The following EP300 variants were observed in gnomAD, a reference collection of about 807,000 sequenced individuals.
EP300 encodes the protein EP300 lysine acetyltransferase.
A neutral mutation model predicts 264.0 loss-of-function variants in EP300; 31 were observed. That is an observed-to-expected ratio of 0.12 (90% CI 0.09 to 0.16). The LOEUF (loss-of-function observed/expected upper bound fraction) is 0.16, where lower values mean the gene tolerates loss of function less well. Ranked by LOEUF, EP300 falls within the 10% of genes least tolerant of loss-of-function variation. The probability of loss-of-function intolerance (pLI) is 1.00; values close to 1 mark genes in which losing one functional copy is unlikely to be tolerated. For missense variants in EP300, 2,766 were observed against 3,052.9 expected (o/e 0.91, Z 2.21); for synonymous variants, 1,340 against 1,045.4 (o/e 1.28, Z -5.44).
chr22:41,153,350 T>C (rs2059057983), intron 16 of EP300, among the ~76,000 whole-genome samples: 1 of 152,172 alleles, frequency 6.6e-6, no homozygotes, highest in Admixed American at 6.5e-5. Flanking sequence ...ATTAATACAA[T>C]GTGTTGTAAA....
intron 6 of EP300, 131 bp downstream of exon 6, chr22:41,131,764 T>C: frequency 7.4e-7 from 1 of 1,343,532 alleles, no homozygotes; most frequent in Non-Finnish European, 1.0e-6. Flanking sequence ...AAGATTACAG[T>C]GTAAAAGGTC....
intron 1 of EP300, among the ~76,000 whole-genome samples, chr22:41,112,408 A>G (rs1156884033): frequency 6.6e-6 from 1 of 150,876 alleles, no homozygotes; most frequent in Non-Finnish European, 1.5e-5. Context: ...TATATTGGCC[A>G]GGCTGGTCTC....
At chr22:41,117,954 T>C (rs1478944409) in intron 2 of EP300, 133 bp downstream of exon 2, 2 of 1,417,172 alleles carry the variant, frequency 1.4e-6, no homozygotes, top group Non-Finnish European at 1.9e-6. Context: ...TGTCATAAGT[T>C]TTAAGAAGTG....
In EP300 at chr22:41,177,989, C is replaced by T. The variant is rs764284032; in HGVS notation, c.6278C>T (p.Ala2093Val). 6.2e-7 allele frequency: 1 copy of T among 1,614,170 alleles called. No individual in the cohort carries two copies. ...ATCAAGCAGCGGGCTGCCAAGTATG[C>T]CAACTCTAATCCACAACCCATCCCT... ...AFIKQRAAKY[A>V]NSNPQPIPGQ... The change falls in exon 31 of 31, where the codon GCC becomes GTC. Residue 2093 changes from alanine to valine, a missense_variant. Ala to Val is a moderately conservative substitution (Grantham distance 64). Coordinates refer to ENST00000263253, the MANE Select transcript of EP300 (RefSeq NM_001429.4).
chr22:41,132,510 A>G (rs1383137771), intron 6 of EP300, among the ~76,000 whole-genome samples: 2 of 151,800 alleles, frequency 1.3e-5, no homozygotes, highest in Non-Finnish European at 2.9e-5. Context: ...GATGATCTCA[A>G]TCTCTTGACC....
In EP300 at chr22:41,157,336, C is replaced by T. The variant is rs2145747664; in HGVS notation, c.3429C>T (p.Ser1143=). The change falls in exon 18 of 31, where the codon TCC becomes TCT. Residue 1143 remains serine (S), a synonymous_variant. Coordinates refer to ENST00000263253, the MANE Select transcript of EP300 (RefSeq NM_001429.4). The stretch of plus-strand genomic sequence containing the variant: ...CATCACGGGTATACAAATACTGCTC[C>T]AAGCTCTCTGAGGTCTTTGAACAAG... ...RKTSRVYKYC[S]KLSEVFEQEI... The T allele has an allele frequency of 3.1e-6, 5 of 1,614,076 alleles. No homozygotes were observed. Among genetic ancestry groups the T allele is most frequent in the Non-Finnish European group, 4.2e-6 (5 of 1,179,992 alleles).
intron 16 of EP300, 48 bp from the exon 17 acceptor site, chr22:41,154,947 C>G (rs750429858): frequency 6.3e-6 from 8 of 1,275,344 alleles, no homozygotes; most frequent in East Asian, 4.6e-5. Context: ...TTTTAAAGTT[C>G]TTCTGCTTAA....
At position 41,110,117 on chromosome 22, in the gene EP300, GCC is replaced by G. The variant is rs60023863; in HGVS notation, c.95-7060_95-7059del. 3.1e-4 allele frequency among the ~76,000 whole-genome samples: 20 copies of G among 65,548 alleles called. 1 individual carries two copies. The highest frequency in any genetic ancestry group is 0.022 in the Middle Eastern group (2 of 90). The allele number at this position is 65,548 out of a possible 152,430, so 43.0% of individuals were successfully genotyped here. A position where few individuals can be genotyped will look rare whatever the true frequency, so the allele number is the denominator to read the frequency against. On this transcript the variant is annotated intron_variant, in intron 1 of 30. Coordinates refer to ENST00000263253, the MANE Select transcript of EP300 (RefSeq NM_001429.4). Reference sequence around the variant, plus strand: ...ACCCACTGTGCCCATCCTGTTCCCTGCCCCCCCCCCCTTTTTTTTTAAGTTAT... The same window carrying G: ...ACCCACTGTGCCCATCCTGTTCCCTGCCCCCCCCCTTTTTTTTTAAGTTAT...
At position 41,178,398 on chromosome 22, in the gene EP300, TCACATGCAA is replaced by T; in HGVS notation, c.6690_6698del (p.His2230_Gln2232del). 1 of 1,613,972 alleles carries T rather than the reference TCACATGCAA, an allele frequency of 6.2e-7. No homozygotes were observed. Among genetic ancestry groups the T allele is most frequent in the Non-Finnish European group, 8.5e-7 (1 of 1,179,992 alleles). ...CACAGCAGCAGCAGCGGATGCAGCA[TCACATGCAA>T]CAGATGCAACAAGGAAATATGGGAC... On this transcript the variant is annotated inframe_deletion, in exon 31 of 31. Coordinates refer to ENST00000263253, the MANE Select transcript of EP300 (RefSeq NM_001429.4).
Position 41,178,149 on chromosome 22 carries a change from C to T in EP300, c.6438C>T (p.Pro2146=). Residue 2146 remains proline (P), a synonymous_variant, in exon 31 of 31, where the codon CCC becomes CCT. Transcript: ENST00000263253. ...CGGGCGTTCAGAGGGCTGGCCTGCCCCAGCAGCAACCACAGCAGCAACTCC... is the reference window on the plus strand; with the variant it reads ...CGGGCGTTCAGAGGGCTGGCCTGCCTCAGCAGCAACCACAGCAGCAACTCC... ...MQAGVQRAGL[P]QQQPQQQLQP... 1 of 1,614,154 alleles carries T rather than the reference C, an allele frequency of 6.2e-7. No individual in the cohort carries two copies. The highest frequency in any genetic ancestry group is 8.5e-7 in the Non-Finnish European group (1 of 1,180,026).
chr22:41,172,773 C>G, intron 28 of EP300, 110 bp downstream of exon 28: 4 of 1,188,094 alleles, frequency 3.4e-6, no homozygotes, highest in Admixed American at 4.1e-5. Flanking sequence ...TAAAAGAGCT[C>G]TTTAAGTTGG....
At chr22:41,155,241 C>T in intron 17 of EP300, 128 bp downstream of exon 17, 1 of 833,412 alleles carries the variant, frequency 1.2e-6, no homozygotes, top group Non-Finnish European at 2.0e-6. Context: ...TTTTTTTTTC[C>T]CCCTGAGACA....
At chr22:41,155,897 TA>T (rs1391546660) in intron 17 of EP300, among the ~76,000 whole-genome samples, 11 of 152,348 alleles carry the variant, frequency 7.2e-5, no homozygotes, top group Admixed American at 3.3e-4. Context: ...TTTTGACTAT[TA>T]AGATAGGACT....
At chr22:41,095,232 A>ATTTTTTTTTTTTTTTTTT (rs66515117) in intron 1 of EP300, among the ~76,000 whole-genome samples, 1 of 80,264 alleles carries the variant, frequency 1.2e-5, no homozygotes, top group African/African-American at 5.5e-5. Flanking sequence ...TACCATTGTA[A>ATTTTTTTTTTTTTTTTTT]TTTTTTTTTT....
At chr22:41,152,129 A>G in intron 15 of EP300, 77 bp from the exon 16 acceptor site, 1 of 1,588,810 alleles carries the variant, frequency 6.3e-7, no homozygotes, top group Non-Finnish European at 8.6e-7. Context: ...TAGATTTTGC[A>G]TGAGAAAGGG....
chr22:41,126,729 CTTTTTTTTTTT>C (rs71328775), intron 3 of EP300, among the ~76,000 whole-genome samples: 780 of 48,800 alleles, frequency 0.016, 7 homozygotes, highest in Non-Finnish European at 0.021. Context: ...GAAATGTTCA[CTTTTTTTTTTT>C]TTTTTTTTTT....
At chr22:41,104,540 T>C (rs1015605828) in intron 1 of EP300, among the ~76,000 whole-genome samples, 31 of 152,150 alleles carry the variant, frequency 2.0e-4, no homozygotes, top group African/African-American at 7.5e-4. Flanking sequence ...TCCGCCCGCC[T>C]CGGCCTCCCA....
At position 41,166,614 on chromosome 22, in the gene EP300, C is replaced by G; in HGVS notation, c.3822C>G (p.Gly1274=). 1.2e-6 allele frequency: 2 copies of G among 1,612,750 alleles called. No homozygotes were observed. The highest frequency in any genetic ancestry group is 1.7e-6 in the Non-Finnish European group (2 of 1,179,258). The stretch of plus-strand genomic sequence containing the variant: ...TTACATTTAGATTCGTCTGTGATGG[C>G]TGTTTAAAGAAAAGTGCACGAACTA... ...IIWPAGFVCD[G]CLKKSARTRK... Residue 1274 remains glycine (G), a synonymous_variant, in exon 23 of 31, where the codon GGC becomes GGG. Coordinates refer to ENST00000263253, the MANE Select transcript of EP300 (RefSeq NM_001429.4).
At chr22:41,165,136 G>A (rs1278589958) in intron 22 of EP300, among the ~76,000 whole-genome samples, 2 of 152,190 alleles carry the variant, frequency 1.3e-5, no homozygotes, top group African/African-American at 4.8e-5. Flanking sequence ...TATTTTCAGT[G>A]TGACTTGTCT....
Sources: allele counts gnomAD v4.1 joint callset (sites outside exome capture counted in the v4.1 genomes callset), GRCh38; gene constraint gnomAD v4.1.1; transcripts MANE v1.5; gene names NCBI Gene and HGNC (gene_info 2026-07-23, HGNC 2026-07-21).